COL4A4: variants seen among roughly 807,000 people sequenced by gnomAD.
The protein encoded by COL4A4 is collagen type IV alpha 4 chain.
In COL4A4, 105 loss-of-function variants were observed where a neutral mutation model predicts 192.9. That is an observed-to-expected ratio of 0.54 (90% CI 0.46 to 0.64). COL4A4 has a LOEUF of 0.64. COL4A4 is among the 30% of genes least tolerant of loss of function. COL4A4 has a pLI of 0.00. For missense variants in COL4A4, 1,967 were observed against 2,169.3 expected (o/e 0.91, Z 1.85); for synonymous variants, 762 against 769.9 (o/e 0.99, Z 0.17).
At chr2:227,045,400 A>G (rs1972264609) in intron 35 of COL4A4, among the ~76,000 whole-genome samples, 1 of 151,962 alleles carries the variant, frequency 6.6e-6, no homozygotes. Context: ...TTTGTCATGA[A>G]CTCCCATAAT....
chr2:227,072,614 A>C (rs73078229), intron 25 of COL4A4, among the ~76,000 whole-genome samples: 3,675 of 151,834 alleles, frequency 0.024, 134 homozygotes, highest in African/African-American at 0.084. Flanking sequence ...CACACAAACT[A>C]CAGACCAATT....
downstream of COL4A4, among the ~76,000 whole-genome samples, chr2:227,000,765 C>T (rs913384224): frequency 4.0e-5 from 6 of 151,696 alleles, no homozygotes; most frequent in South Asian, 6.3e-4. Context: ...TGAATTCCCA[C>T]GTGTCATGGG....
intron 40 of COL4A4, among the ~76,000 whole-genome samples, chr2:227,031,048 T>TGGATGGATGGATGGATGGAG (rs1968266051): frequency 6.6e-6 from 1 of 151,200 alleles, no homozygotes; most frequent in African/African-American, 2.4e-5. Flanking sequence ...GACAGATGGA[T>TGGATGGATGGATGGATGGAG]GGATGGATGG....
chr2:227,015,365 G>T (rs1268762909), intron 44 of COL4A4, among the ~76,000 whole-genome samples: 1 of 152,138 alleles, frequency 6.6e-6, no homozygotes, highest in Admixed American at 6.5e-5. Context: ...CAGCACCTGG[G>T]AATATGTTAG....
intron 19 of COL4A4, among the ~76,000 whole-genome samples, chr2:227,095,659 C>G (rs1170431641): frequency 2.0e-5 from 3 of 152,198 alleles, no homozygotes; most frequent in African/African-American, 7.2e-5. Flanking sequence ...CTTTGGGAGG[C>G]CGAGGCAGGC....
chr2:227,012,628 A>C, intron 44 of COL4A4, among the ~76,000 whole-genome samples: 1 of 135,812 alleles, frequency 7.4e-6, no homozygotes. Flanking sequence ...CATATATTTG[A>C]CTTCAAAAAA....
intron 1 of COL4A4, among the ~76,000 whole-genome samples, chr2:227,157,134 T>C (rs915536880): frequency 3.3e-5 from 5 of 152,128 alleles, no homozygotes; most frequent in Non-Finnish European, 7.4e-5. Context: ...TGCAGATAAT[T>C]ACACTAGAAT....
chr2:227,016,416 T>C (rs189206258), intron 44 of COL4A4, among the ~76,000 whole-genome samples: 61 of 152,332 alleles, frequency 4.0e-4, no homozygotes, highest in African/African-American at 1.3e-3. Flanking sequence ...ATAACAGTGG[T>C]TGGCAAATTA....
chr2:227,010,389 C>A lies in COL4A4; in HGVS notation c.4446G>T (p.Leu1482=). ...ACCCAGTCCAGAGCCTGGGCATGCC[C>A]AGGGGGCAGGTGGGCTCCTGGTCCG... ...SQTDQEPTCP[L]GMPRLWTGYS... is the part of the protein sequence containing the mutation. Residue 1482 remains leucine (L), a synonymous_variant, in exon 46 of 48, where the codon CTG becomes CTT. Transcript: ENST00000396625. 6.2e-7 allele frequency: 1 copy of A among 1,614,216 alleles called. No individual in the cohort carries two copies.
chr2:227,111,547 G>A, intron 9 of COL4A4, 131 bp downstream of exon 9: 1 of 967,564 alleles, frequency 1.0e-6, no homozygotes, highest in Non-Finnish European at 1.7e-6. Context: ...TTTTTGAACA[G>A]GGAACCCACA....
intron 25 of COL4A4, among the ~76,000 whole-genome samples, chr2:227,077,130 C>T (rs913107715): frequency 2.7e-4 from 41 of 152,114 alleles, no homozygotes; most frequent in African/African-American, 9.9e-4. Context: ...CCAGCAATCC[C>T]ATTACTAGGT....
rs201403066 is a variant in COL4A4, at chr2:227,147,476, G to A, written c.8C>T (p.Ser3Phe). 146 of 1,613,474 alleles carry A rather than the reference G, an allele frequency of 9.0e-5. No individual in the cohort carries two copies. The highest frequency in any genetic ancestry group is 4.9e-5 in the Non-Finnish European group (58 of 1,179,706). MWSLHIVLMRCSF... is the reference protein window; with the variant it reads MWFLHIVLMRCSF... ...GCACCTCATTAGTACTATGTGCAGA[G>A]ACCACATCGCAGGCAAGTCTTAGTA... is the stretch of plus-strand genomic sequence containing the variant. The change falls in exon 2 of 48, where the codon TCT (serine) becomes TTT (phenylalanine). Residue 3 changes from serine to phenylalanine, a missense_variant. By Grantham distance (155) the Ser-to-Phe change is radical. Transcript: ENST00000396625.
chr2:226,969,213 CAGAG>C, the COL4A4 span: 9 of 152,196 alleles, frequency 5.9e-5, no homozygotes, highest in South Asian at 1.2e-3. Context: ...CGGCCGGTAA[CAGAG>C]AGCCTGATTG....
At position 227,121,684 on chromosome 2, in the gene COL4A4, C is replaced by T. The variant is rs148837255; in HGVS notation, c.193-536G>A. On this transcript the variant is annotated intron_variant, in intron 4 of 47. Coordinates refer to ENST00000396625, the MANE Select transcript of COL4A4 (RefSeq NM_000092.5). Reference sequence around the variant, plus strand: ...AAAACATAAGAAATAGTGGCATTGCCCTTTTTAATCTGAATTAAGCTATAT... The same window carrying T: ...AAAACATAAGAAATAGTGGCATTGCTCTTTTTAATCTGAATTAAGCTATAT... Among the ~76,000 whole-genome samples, 118 of 152,008 alleles carry T rather than the reference C, an allele frequency of 7.8e-4. 1 individual carries two copies. In the East Asian group the frequency reaches 0.01, roughly 13 times the overall value.
Position 227,022,033 on chromosome 2 carries a change from G to T in COL4A4, c.4216+15C>A. The stretch of plus-strand genomic sequence containing the variant: ...ATATCATGAAAATAATGAACAATCA[G>T]CATGCGGCTCATACCTGGTCCTGAG... On this transcript the variant is annotated intron_variant, in intron 44 of 47. Coordinates refer to ENST00000396625, the MANE Select transcript of COL4A4 (RefSeq NM_000092.5). 6.2e-7 allele frequency: 1 copy of T among 1,611,102 alleles called. No homozygotes were observed. Among genetic ancestry groups the T allele is most frequent in the South Asian group, 1.1e-5 (1 of 90,560 alleles).
chr2:227,049,239 T>G (rs568436187), intron 34 of COL4A4, among the ~76,000 whole-genome samples: 1 of 152,378 alleles, frequency 6.6e-6, no homozygotes, highest in Admixed American at 6.5e-5. Context: ...GTTTGTTTAC[T>G]TGTTTGTCTG....
chr2:227,077,017 A>G (rs1576347084), intron 25 of COL4A4, among the ~76,000 whole-genome samples: 3 of 152,336 alleles, frequency 2.0e-5, no homozygotes, highest in East Asian at 3.9e-4. Flanking sequence ...ATGGAGAAAT[A>G]GGAACACTTT....
intron 38 of COL4A4, 83 bp from the exon 39 acceptor site, chr2:227,032,359 T>C (rs1179302284): frequency 2.2e-5 from 34 of 1,511,952 alleles, no homozygotes; most frequent in Non-Finnish European, 2.8e-5. Flanking sequence ...CACTTCCCAA[T>C]AGCGGCAGAG....
At chr2:226,967,908 C>G in the COL4A4 span, among the ~76,000 whole-genome samples, 89 of 152,220 alleles carry the variant, frequency 5.8e-4, no homozygotes, top group Non-Finnish European at 9.6e-4. Context: ...AAGAGAAACT[C>G]TGTAACCTGT....
Sources: gnomAD v4.1 joint callset for allele counts (sites outside exome capture counted in the v4.1 genomes callset) on GRCh38, gnomAD v4.1.1 for gene constraint, MANE v1.5 for transcripts, NCBI Gene and HGNC (gene_info 2026-07-23, HGNC 2026-07-21) for gene names.